Variants in CMSS1 observed in about 807,000 individuals in gnomAD.
CMSS1 encodes the protein protein CMSS1.
CMSS1 carries 33 observed loss-of-function variants against 43.5 expected under a neutral mutation model. The observed-to-expected ratio is 0.76, with a 90% CI of 0.57 to 1.01. CMSS1 has a LOEUF of 1.01. Among genes scored for constraint, CMSS1 ranks in the 50% least tolerant of loss-of-function variants. CMSS1 has a pLI of 0.00. For missense variants in CMSS1, 313 were observed against 326.4 expected, an observed-to-expected ratio of 0.96 and a Z score of 0.32; for synonymous variants, 115 against 117.2, an observed-to-expected ratio of 0.98 and a Z score of 0.12.
intron 4 of CMSS1, among the ~76,000 whole-genome samples, chr3:100,163,862 T>C (rs1022031258): frequency 2.0e-5 from 3 of 152,224 alleles, no homozygotes; most frequent in Non-Finnish European, 2.9e-5. Flanking sequence ...ATATCTAATA[T>C]TGCTTTTGGA....
chr3:99,822,449 G>A (rs568123305), intron 1 of CMSS1, among the ~76,000 whole-genome samples: 10 of 152,092 alleles, frequency 6.6e-5, no homozygotes, highest in African/African-American at 1.7e-4. Context: ...ACCAGCTTGC[G>A]GCCAGGCGCA....
chr3:99,920,590 C>T (rs527380012), intron 1 of CMSS1, among the ~76,000 whole-genome samples: 4 of 152,302 alleles, frequency 2.6e-5, no homozygotes, highest in African/African-American at 9.6e-5. Context: ...CAGACCAAAC[C>T]GCACAGATTA....
At chr3:99,873,441 C>A (rs1368788488) in intron 1 of CMSS1, among the ~76,000 whole-genome samples, 1 of 152,150 alleles carries the variant, frequency 6.6e-6, no homozygotes, top group African/African-American at 2.4e-5. Flanking sequence ...CCACAATATC[C>A]AGTCTTTTAT....
chr3:100,166,325 A>G lies in CMSS1; in HGVS notation c.356-10A>G. ...AAATTATCTACAAAGCATGTTTATT[A>G]TATTTCTAGACTCCTGTTTCCTCAA... On this transcript the variant is annotated splice_polypyrimidine_tract_variant and intron_variant, in intron 4 of 9. Transcript: ENST00000421999. 2 of 1,568,922 alleles carry G rather than the reference A, an allele frequency of 1.3e-6. No individual in the cohort carries two copies. The highest frequency in any genetic ancestry group is 1.1e-5 in the South Asian group (1 of 90,114).
intron 1 of CMSS1, chr3:99,929,923 T>G: frequency 6.2e-7 from 1 of 1,613,936 alleles, no homozygotes; most frequent in Non-Finnish European, 8.5e-7. Context: ...AGCATCTCTC[T>G]GGAGAGCCTC....
intron 1 of CMSS1, among the ~76,000 whole-genome samples, chr3:100,021,960 T>TGTGTGTGTGTGAGAGA (rs1321185364): frequency 1.1e-5 from 1 of 93,290 alleles, no homozygotes; most frequent in South Asian, 4.4e-4. Context: ...TGTGTGTGTG[T>TGTGTGTGTGTGAGAGA]GAGAGAGAGA....
chr3:100,074,675 A>AGTTTTTTTTTT, intron 1 of CMSS1, among the ~76,000 whole-genome samples: 1 of 34,782 alleles, frequency 2.9e-5, no homozygotes, highest in Non-Finnish European at 4.9e-5. Flanking sequence ...GCAACATTTG[A>AGTTTTTTTTTT]TTTTTTTTTT....
chr3:100,120,885 A>G (rs1382354356), intron 1 of CMSS1, among the ~76,000 whole-genome samples: 1 of 152,130 alleles, frequency 6.6e-6, no homozygotes, highest in Non-Finnish European at 1.5e-5. Flanking sequence ...GAGTCAACCC[A>G]GGCACCCTGG....
chr3:99,870,597 G>A (rs1354804875), intron 1 of CMSS1, among the ~76,000 whole-genome samples: 1 of 152,184 alleles, frequency 6.6e-6, no homozygotes, highest in African/African-American at 2.4e-5. Flanking sequence ...GGTATGGTGT[G>A]TGGTGAACTT....
At chr3:99,982,507 A>AT (rs1303631700) in intron 1 of CMSS1, among the ~76,000 whole-genome samples, 1 of 151,882 alleles carries the variant, frequency 6.6e-6, no homozygotes, top group African/African-American at 2.4e-5. Context: ...CGCCCAGCTA[A>AT]TTTTTTTATT....
At chr3:100,171,749 T>G (rs1219394984) in intron 6 of CMSS1, 90 bp from the exon 7 acceptor site, 8 of 1,043,978 alleles carry the variant, frequency 7.7e-6, no homozygotes, top group Non-Finnish European at 1.1e-5. Flanking sequence ...GCACACATCC[T>G]TTGAATAAAG....
intron 1 of CMSS1, among the ~76,000 whole-genome samples, chr3:100,109,723 A>C (rs1244525161): frequency 6.6e-6 from 1 of 152,150 alleles, no homozygotes. Flanking sequence ...TACCAATTGA[A>C]GGGGTTGTTT....
chr3:100,018,085 T>A (rs1710397230), intron 1 of CMSS1, among the ~76,000 whole-genome samples: 1 of 152,158 alleles, frequency 6.6e-6, no homozygotes, highest in Admixed American at 6.5e-5. Flanking sequence ...TCTCAGCACT[T>A]TGGGAGGCCG....
At chr3:100,094,391 T>G (rs533097575) in intron 1 of CMSS1, among the ~76,000 whole-genome samples, 1 of 152,268 alleles carries the variant, frequency 6.6e-6, no homozygotes, top group South Asian at 2.1e-4. Context: ...TTATTTTCAT[T>G]CCCTTAACAG....
At chr3:100,162,953 G>A (rs568602614) in intron 4 of CMSS1, among the ~76,000 whole-genome samples, 1 of 152,110 alleles carries the variant, frequency 6.6e-6, no homozygotes, top group South Asian at 2.1e-4. Flanking sequence ...CCAGCCTGGG[G>A]GACAGAGCGA....
Position 99,925,903 on chromosome 3 carries a change from G to A in CMSS1, c.64+107860G>A, listed in dbSNP as rs773166477. ...CCTTGAGCTCCATTTTGCCCAGCAC[G>A]GGGTAAGCTGCCACCAGAAAAACAT... On this transcript the variant is annotated intron_variant, in intron 1 of 9. Transcript: ENST00000421999. 170 of 984,976 alleles carry A rather than the reference G, an allele frequency of 1.7e-4. 1 individual carries two copies. Among genetic ancestry groups the A allele is most frequent in the South Asian group, 3.3e-4 (7 of 21,276 alleles). The allele number at this position is 984,976 out of a possible 1,614,324, so 61.0% of individuals were successfully genotyped here. A position where few individuals can be genotyped will look rare whatever the true frequency, so the allele number is the denominator to read the frequency against.
At chr3:100,138,122 GA>G (rs750024979) in intron 1 of CMSS1, among the ~76,000 whole-genome samples, 6 of 152,178 alleles carry the variant, frequency 3.9e-5, no homozygotes, top group Admixed American at 6.5e-5. Flanking sequence ...ATGGTGCTGG[GA>G]AAACTGGCTA....
intron 1 of CMSS1, among the ~76,000 whole-genome samples, chr3:99,995,759 GTCTTGTACCC>G (rs1709660066): frequency 6.6e-6 from 1 of 152,226 alleles, no homozygotes; most frequent in African/African-American, 2.4e-5. Flanking sequence ...CAAGGCTTGG[GTCTTGTACCC>G]TCTGAAGCCA....
chr3:99,834,759 T>C (rs1479837196), intron 1 of CMSS1, among the ~76,000 whole-genome samples: 1 of 152,174 alleles, frequency 6.6e-6, no homozygotes, highest in Non-Finnish European at 1.5e-5. Context: ...TAACAGCCTT[T>C]GGGTAGTATC....
Sources: allele counts gnomAD v4.1 joint callset (sites outside exome capture counted in the v4.1 genomes callset), GRCh38; gene constraint gnomAD v4.1.1; transcripts MANE v1.5; gene names NCBI Gene and HGNC (gene_info 2026-07-23, HGNC 2026-07-21).